The following AVIL variants were observed in gnomAD, a reference collection of about 807,000 sequenced individuals.
AVIL encodes the protein advillin.
AVIL carries 78 observed loss-of-function variants against 109.9 expected under a neutral mutation model. That is an observed-to-expected ratio of 0.71 (90% confidence interval 0.59 to 0.86). The LOEUF is 0.86. AVIL is among the 40% of genes least tolerant of loss of function. The pLI, the probability that AVIL is intolerant of heterozygous loss-of-function variation, is 0.00. For synonymous variants in AVIL, 367 were observed against 379.1 expected (o/e 0.97, Z 0.37); for missense variants, 892 against 1,016.5 (o/e 0.88, Z 1.67).
At chr12:57,802,691 T>C (rs1955874904) in intron 16 of AVIL, 1 of 617,624 alleles carries the variant, frequency 1.6e-6, no homozygotes, top group African/African-American at 1.8e-5. Context: ...ACTAAACTTG[T>C]ATCTGAGTCT....
chr12:57,816,097 T>C (rs1385947011), intron 1 of AVIL, 38 bp from the exon 2 acceptor site: 2 of 1,531,490 alleles, frequency 1.3e-6, no homozygotes, highest in East Asian at 2.3e-5. Context: ...ATGATATCTC[T>C]TGCCATAGTG....
At chr12:57,818,183 T>C (rs903874377) in intron 1 of AVIL, among the ~76,000 whole-genome samples, 10 of 12,058 alleles carry the variant, frequency 8.3e-4, no homozygotes, top group African/African-American at 3.4e-3. Context: ...CATGCTTGGC[T>C]TTTTTTTTTT....
At chr12:57,814,555 A>C in intron 2 of AVIL, 2 of 275,854 alleles carry the variant, frequency 7.3e-6, no homozygotes, top group Non-Finnish European at 7.3e-6. Context: ...GCTGGATATA[A>C]ACGACCAAGT....
In AVIL at chr12:57,807,428, C is replaced by T. The variant is rs780957772; in HGVS notation, c.1394G>A (p.Arg465Gln). The T allele has an allele frequency of 8.1e-6, 13 of 1,614,102 alleles. No homozygotes were observed. The highest frequency in any genetic ancestry group is 5.0e-5 in the Admixed American group (3 of 60,014). ...ASAYQAVEVDRQFDGAAVQVR... is the reference protein window; with the variant it reads ...ASAYQAVEVDQQFDGAAVQVR... ...CTGCACAGCAGCCCCATCAAACTGC[C>T]GATCCACCTCCACTGCCTGGTATGC... is the stretch of plus-strand genomic sequence containing the variant. Residue 465 changes from arginine to glutamine, a missense_variant, in exon 13 of 20, where the codon CGG (arginine) becomes CAG (glutamine). Coordinates refer to ENST00000549994, the MANE Select transcript of AVIL (RefSeq NM_006576.4).
At chr12:57,814,307 C>T (rs1265724982) in intron 2 of AVIL, 81 bp from the exon 3 acceptor site, 27 of 1,384,664 alleles carry the variant, frequency 1.9e-5, no homozygotes, top group African/African-American at 1.0e-4. Flanking sequence ...CTCTGTCATT[C>T]GGTGCAGGTG....
chr12:57,815,993 G>T lies in AVIL; in HGVS notation c.48C>A (p.Ile16=). ...AFRAVDNDPG[I]IVWRIEKMEL... ...AGCTCACCTCTATTCTCCAGACAAT[G>T]ATCCCAGGGTCGTTGTCCACAGCCC... Residue 16 remains isoleucine, a synonymous_variant, in exon 2 of 20, where the codon ATC becomes ATA. Transcript: ENST00000549994. 1 of 1,614,228 alleles carries T rather than the reference G, an allele frequency of 6.2e-7. No homozygotes were observed. Among genetic ancestry groups the T allele is most frequent in the South Asian group, 1.1e-5 (1 of 91,078 alleles).
At chr12:57,811,580 C>T (rs1313233084) in intron 4 of AVIL, among the ~76,000 whole-genome samples, 1 of 152,208 alleles carries the variant, frequency 6.6e-6, no homozygotes, top group African/African-American at 2.4e-5. Context: ...CTCACCCGCC[C>T]TGCACTCAGC....
rs1437308713 is a variant in AVIL, at chr12:57,799,799, T to A, written c.2342A>T (p.Lys781Met). ...ELPEDVNPAK[K>M]ENYLSEQDFV... The stretch of plus-strand genomic sequence containing the variant: ...ACAGTTCCTTCAGCCACTCACCTCC[T>A]TTTTGGCAGGGTTTACATCCTCAGG... The change falls in exon 19 of 20, where the codon AAG (lysine) becomes ATG (methionine). Residue 781 changes from lysine to methionine, a missense_variant. Physicochemically the swap from Lys to Met is moderately conservative, Grantham distance 95. Coordinates refer to ENST00000549994, the MANE Select transcript of AVIL (RefSeq NM_006576.4). 5 of 1,613,792 alleles carry A rather than the reference T, an allele frequency of 3.1e-6. No homozygotes were observed. In the Admixed American group the frequency reaches 6.7e-5, roughly 22 times the overall value.
chr12:57,800,160 A>G (rs1320910572), intron 18 of AVIL: 3 of 444,738 alleles, frequency 6.7e-6, no homozygotes, highest in Admixed American at 7.2e-5. Context: ...CAAGTCCTGT[A>G]TAGCTAGTTT....
At chr12:57,814,022 C>CATA (rs1956070933) in intron 3 of AVIL, 130 bp downstream of exon 3, 2 of 948,238 alleles carry the variant, frequency 2.1e-6, no homozygotes, top group African/African-American at 3.3e-5. Flanking sequence ...GTCTGCTCTG[C>CATA]ATAGCACTGA....
At chr12:57,802,733 C>G in intron 16 of AVIL, 1 of 597,318 alleles carries the variant, frequency 1.7e-6, no homozygotes, top group Non-Finnish European at 3.0e-6. Context: ...TATCTAGTCA[C>G]CTAAGGCAGA....
In AVIL at chr12:57,813,295, A is replaced by G; in HGVS notation, c.270T>C (p.Pro90=). Residue 90 remains proline (P), a synonymous_variant, in exon 4 of 20, where the codon CCT becomes CCC. Coordinates refer to ENST00000549994, the MANE Select transcript of AVIL (RefSeq NM_006576.4). ...GGTACTGGACCTCTCGGTGCTGCAC[A>G]GGGCTGCCTCCCAGGTAGTCGTCCA... ...TQLDDYLGGS[P]VQHREVQYHE... is the part of the protein sequence containing the mutation. 1.9e-6 allele frequency: 3 copies of G among 1,614,092 alleles called. No homozygotes were observed. The highest frequency in any genetic ancestry group is 2.5e-6 in the Non-Finnish European group (3 of 1,180,012).
intron 19 of AVIL, 146 bp downstream of exon 19, chr12:57,799,648 GT>G (rs201823242): frequency 5.6e-5 from 60 of 1,065,290 alleles, no homozygotes; most frequent in Non-Finnish European, 7.0e-5. Flanking sequence ...AAGAACCCTG[GT>G]TTTTTTTGGT....
Position 57,803,552 on chromosome 12 carries a change from C to T in AVIL, c.1789G>A (p.Gly597Arg). ...EPAEFWDLLG[G>R]KTPYANDKRL... ...TTATCATTGGCATAGGGAGTTTTCC[C>T]TCCCAGTAGGTCCCAGAACTCGGCT... Residue 597 changes from glycine (G) to arginine (R), a missense_variant, in exon 15 of 20, where the codon GGG becomes AGG. Physicochemically the swap from Gly to Arg is moderately radical, Grantham distance 125. Transcript: ENST00000549994. 2 of 1,614,188 alleles carry T rather than the reference C, an allele frequency of 1.2e-6. No individual in the cohort carries two copies. Among genetic ancestry groups the T allele is most frequent in the Non-Finnish European group, 1.7e-6 (2 of 1,180,036 alleles).
At chr12:57,803,805 G>T (rs972205575) in intron 14 of AVIL, 136 bp from the exon 15 acceptor site, 1 of 1,249,318 alleles carries the variant, frequency 8.0e-7, no homozygotes, top group Non-Finnish European at 1.1e-6. Flanking sequence ...TGGGAAGACA[G>T]ACAAGTTTGT....
Position 57,803,269 on chromosome 12 carries a change from A to G in AVIL, c.1940T>C (p.Met647Thr). 2 of 1,614,162 alleles carry G rather than the reference A, an allele frequency of 1.2e-6. No individual in the cohort carries two copies. Among genetic ancestry groups the G allele is most frequent in the Non-Finnish European group, 1.7e-6 (2 of 1,180,028 alleles). The part of the protein sequence containing the change: ...TQDDLNPTDV[M>T]LLDTWDQVFL... Reference sequence around the variant, plus strand: ...TACCTGGTCCCAGGTATCTAGGAGCATCACGTCAGTAGGGTTCAGGTCATC... The same window carrying G: ...TACCTGGTCCCAGGTATCTAGGAGCGTCACGTCAGTAGGGTTCAGGTCATC... Residue 647 changes from methionine (M) to threonine (T), a missense_variant, in exon 16 of 20, where the codon ATG becomes ACG. Physicochemically the swap from Met to Thr is moderately conservative, Grantham distance 81 (BLOSUM62 -1). Coordinates refer to ENST00000549994, the MANE Select transcript of AVIL (RefSeq NM_006576.4).
At chr12:57,814,315 G>C in intron 2 of AVIL, 89 bp from the exon 3 acceptor site, 1 of 1,316,592 alleles carries the variant, frequency 7.6e-7, no homozygotes, top group Non-Finnish European at 1.1e-6. Flanking sequence ...TTCGGTGCAG[G>C]TGGTGGGGAG....
chr12:57,817,160 T>C (rs944293000), intron 1 of AVIL, among the ~76,000 whole-genome samples: 4 of 151,992 alleles, frequency 2.6e-5, no homozygotes, highest in African/African-American at 9.7e-5. Flanking sequence ...ACATGCATAA[T>C]TAATGTAAAG....
intron 6 of AVIL, 92 bp from the exon 7 acceptor site, chr12:57,810,643 G>T: frequency 3.4e-6 from 5 of 1,470,472 alleles, no homozygotes; most frequent in Non-Finnish European, 4.7e-6. Flanking sequence ...CCAGACACAG[G>T]AGTTACTTGG....
Sources: gnomAD v4.1 joint callset for allele counts (sites outside exome capture counted in the v4.1 genomes callset) on GRCh38, gnomAD v4.1.1 for gene constraint, MANE v1.5 for transcripts, NCBI Gene and HGNC (gene_info 2026-07-23, HGNC 2026-07-21) for gene names.